KIF5B: variants seen among roughly 807,000 people sequenced by gnomAD.
KIF5B encodes the protein kinesin-1 heavy chain.
Under a neutral mutation model 132.8 loss-of-function variants are expected in KIF5B, and 49 were observed. That is an observed-to-expected ratio of 0.37 (90% CI 0.29 to 0.47). KIF5B has a LOEUF of 0.47. Ranked by LOEUF, KIF5B falls within the 20% of genes least tolerant of loss-of-function variation. The pLI, the probability that KIF5B is intolerant of heterozygous loss-of-function variation, is 1.00. For missense variants in KIF5B, 780 were observed against 1,144.0 expected, an observed-to-expected ratio of 0.68 and a Z score of 4.59; for synonymous variants, 355 against 369.4, an observed-to-expected ratio of 0.96 and a Z score of 0.45.
intron 19 of KIF5B, among the ~76,000 whole-genome samples, chr10:32,020,233 G>A (rs1841239986): frequency 6.6e-6 from 1 of 151,900 alleles, no homozygotes; most frequent in South Asian, 2.1e-4. Flanking sequence ...TAAGACCTAC[G>A]CCCCAAACCT....
chr10:32,026,982 C>G (rs1003550998), intron 15 of KIF5B, among the ~76,000 whole-genome samples: 1 of 152,162 alleles, frequency 6.6e-6, no homozygotes, highest in Admixed American at 6.5e-5. Context: ...CATCAACAAA[C>G]AGTAACTTTT....
chr10:32,056,042 G>C lies in KIF5B; in HGVS notation c.-69C>G. 4.4e-6 allele frequency: 7 copies of C among 1,574,870 alleles called. No homozygotes were observed. Among genetic ancestry groups the C allele is most frequent in the Non-Finnish European group, 4.3e-6 (5 of 1,165,468 alleles). ...GCTCAGTCTTGCAGGGAACGCGCCG[G>C]ACCTGAGGGCTTGTGGTCGCGAGGG... On this transcript the variant is annotated 5_prime_UTR_variant, in exon 1 of 26. Transcript: ENST00000302418.
At chr10:32,045,233 C>A (rs1018954757) in intron 2 of KIF5B, among the ~76,000 whole-genome samples, 3 of 151,808 alleles carry the variant, frequency 2.0e-5, no homozygotes, top group Non-Finnish European at 4.4e-5. Context: ...AGATAAAAGT[C>A]CAGGATAAGT....
At chr10:32,019,713 A>T (rs1158884007) in intron 20 of KIF5B, 145 bp downstream of exon 20, 1 of 542,856 alleles carries the variant, frequency 1.8e-6, no homozygotes, top group Non-Finnish European at 3.2e-6. Flanking sequence ...TTAGATATAA[A>T]TCAAACCAAC....
chr10:32,052,887 G>T (rs543818165), intron 1 of KIF5B, among the ~76,000 whole-genome samples: 1 of 152,146 alleles, frequency 6.6e-6, no homozygotes, highest in African/African-American at 2.4e-5. Flanking sequence ...GCCTGCCATG[G>T]TGTCATATTA....
chr10:32,021,151 A>G lies in KIF5B; in HGVS notation c.2095-20T>C. On this transcript the variant is annotated intron_variant, in intron 18 of 25. Coordinates refer to ENST00000302418, the MANE Select transcript of KIF5B (RefSeq NM_004521.3). ...AGCTTGCTAAAATTTTGGGGGGGAA[A>G]AGGATGTTAAAGTCAGACTAATCAA... 2 of 1,607,522 alleles carry G rather than the reference A, an allele frequency of 1.2e-6. No homozygotes were observed. Among genetic ancestry groups the G allele is most frequent in the Non-Finnish European group, 1.7e-6 (2 of 1,174,264 alleles).
At chr10:32,054,905 C>T (rs1841733086) in intron 1 of KIF5B, among the ~76,000 whole-genome samples, 1 of 152,042 alleles carries the variant, frequency 6.6e-6, no homozygotes, top group Admixed American at 6.6e-5. Flanking sequence ...TACAAAAAAA[C>T]AGTATCTCAC....
intron 2 of KIF5B, among the ~76,000 whole-genome samples, chr10:32,041,750 G>A (rs1483334806): frequency 1.3e-5 from 2 of 152,186 alleles, no homozygotes; most frequent in African/African-American, 4.8e-5. Context: ...TCAGCTTCAA[G>A]TAGCCAGGAC....
chr10:32,055,191 A>G (rs1841737331), intron 1 of KIF5B, among the ~76,000 whole-genome samples: 1 of 152,204 alleles, frequency 6.6e-6, no homozygotes, highest in Admixed American at 6.5e-5. Flanking sequence ...TTCAAAAAAA[A>G]AAAAGCTCAA....
intron 1 of KIF5B, among the ~76,000 whole-genome samples, chr10:32,050,291 A>C (rs1841675089): frequency 6.6e-6 from 1 of 152,200 alleles, no homozygotes; most frequent in African/African-American, 2.4e-5. Flanking sequence ...CCCAATAAAT[A>C]GGCCGGAAAG....
At chr10:32,038,877 T>C (rs979603708) in intron 4 of KIF5B, 51 bp from the exon 5 acceptor site, 23 of 1,154,290 alleles carry the variant, frequency 2.0e-5, no homozygotes, top group Non-Finnish European at 1.2e-5. Context: ...ATATAACTTA[T>C]TCGCATATTG....
At chr10:32,049,776 A>G (rs903428504) in intron 1 of KIF5B, among the ~76,000 whole-genome samples, 3 of 152,156 alleles carry the variant, frequency 2.0e-5, no homozygotes, top group Admixed American at 6.5e-5. Flanking sequence ...AAAAAATAAT[A>G]ATTTTCAAGG....
chr10:32,035,464 C>G, intron 10 of KIF5B, 58 bp downstream of exon 10: 1 of 1,472,002 alleles, frequency 6.8e-7, no homozygotes, highest in Middle Eastern at 2.0e-4. Context: ...CATTTTCCTA[C>G]ATTTTATAAA....
chr10:32,045,662 G>A (rs1402398199), intron 2 of KIF5B, among the ~76,000 whole-genome samples: 1 of 152,134 alleles, frequency 6.6e-6, no homozygotes, highest in Non-Finnish European at 1.5e-5. Flanking sequence ...ATAGATTATG[G>A]AAATAAGTAT....
chr10:32,013,055 C>T (rs1841106400), intron 25 of KIF5B, among the ~76,000 whole-genome samples: 1 of 152,080 alleles, frequency 6.6e-6, no homozygotes, highest in Non-Finnish European at 1.5e-5. Context: ...GCATGTGCCA[C>T]CACGCCCTGC....
chr10:32,010,091 T>C lies in KIF5B; in HGVS notation c.*1446A>G, dbSNP rs540070395. The stretch of plus-strand genomic sequence containing the variant: ...ATACAAATATCTGTGTATAAAACTT[T>C]TGCAAAAAGTTAATTCTGCCAGCAA... On this transcript the variant is annotated 3_prime_UTR_variant, in exon 26 of 26. Coordinates refer to ENST00000302418, the MANE Select transcript of KIF5B (RefSeq NM_004521.3). The C allele has an allele frequency of 6.6e-6, 1 of 152,174 alleles. No homozygotes were observed. The highest frequency in any genetic ancestry group is 1.5e-5 in the Non-Finnish European group (1 of 68,016). The allele number at this position is 152,174 out of a possible 1,614,324, so 9.4% of individuals were successfully genotyped here.
chr10:32,019,736 A>G (rs1229084086), intron 20 of KIF5B, 122 bp downstream of exon 20: 2 of 588,684 alleles, frequency 3.4e-6, no homozygotes, highest in Non-Finnish European at 5.9e-6. Context: ...AGTGGATTTA[A>G]GAAAAAATCC....
At chr10:32,053,816 A>C (rs897049754) in intron 1 of KIF5B, among the ~76,000 whole-genome samples, 2 of 152,194 alleles carry the variant, frequency 1.3e-5, no homozygotes, top group Non-Finnish European at 2.9e-5. Context: ...TTAACTGTTC[A>C]TTACGGATTC....
chr10:32,036,133 A>T, intron 8 of KIF5B, 139 bp from the exon 9 acceptor site: 2 of 517,266 alleles, frequency 3.9e-6, no homozygotes, highest in Non-Finnish European at 6.6e-6. Context: ...TTATTTGCCA[A>T]GCATACCACC....
Sources: allele counts gnomAD v4.1 joint callset (sites outside exome capture counted in the v4.1 genomes callset), GRCh38; gene constraint gnomAD v4.1.1; transcripts MANE v1.5; gene names NCBI Gene and HGNC (gene_info 2026-07-23, HGNC 2026-07-21).